The following PIP5K1B variants were observed in gnomAD, a reference collection of about 807,000 sequenced individuals.
PIP5K1B encodes phosphatidylinositol-4-phosphate 5-kinase type 1 beta.
PIP5K1B carries 42 observed loss-of-function variants against 67.0 expected under a neutral mutation model. That is an observed-to-expected ratio of 0.63 (90% CI 0.49 to 0.81). PIP5K1B has a LOEUF of 0.81. Ranked by LOEUF, PIP5K1B falls within the 30% of genes least tolerant of loss-of-function variation. The pLI is 0.00. For missense variants in PIP5K1B, 459 were observed against 646.3 expected (o/e 0.71, Z 3.14); for synonymous variants, 214 against 231.4 (o/e 0.92, Z 0.68).
chr9:68,941,455 A>G (rs998773061), intron 14 of PIP5K1B, among the ~76,000 whole-genome samples: 16 of 152,214 alleles, frequency 1.1e-4, no homozygotes, highest in African/African-American at 3.6e-4. Flanking sequence ...ATTATTATTC[A>G]TTGCATGCCT....
At chr9:68,782,492 A>T (rs927444607) in intron 2 of PIP5K1B, 3 of 167,090 alleles carry the variant, frequency 1.8e-5, no homozygotes, top group Non-Finnish European at 4.4e-5. Context: ...ATGGCATACA[A>T]AGAGGAAAGG....
Position 68,835,964 on chromosome 9 carries a change from C to T in PIP5K1B, c.69+13281C>T, listed in dbSNP as rs1482792510. Among the ~76,000 whole-genome samples the T allele has an allele frequency of 2.0e-5, 3 of 151,600 alleles. No individual in the cohort carries two copies. The East Asian group carries it at 5.8e-4, about 29-fold the overall frequency. On this transcript the variant is annotated intron_variant, in intron 4 of 15. Transcript: ENST00000265382. ...TATTGGGCTTCAAGAACCCTTTTTC[C>T]TCATCTGTCTCTGACTACACATTCA...
At chr9:68,862,156 T>C (rs1306185074) in intron 4 of PIP5K1B, among the ~76,000 whole-genome samples, 1 of 152,178 alleles carries the variant, frequency 6.6e-6, no homozygotes, top group Non-Finnish European at 1.5e-5. Flanking sequence ...ACTAGAGACC[T>C]AGCCCTGCTC....
At chr9:68,753,168 A>G (rs983821098) in intron 2 of PIP5K1B, among the ~76,000 whole-genome samples, 8 of 139,262 alleles carry the variant, frequency 5.7e-5, no homozygotes, top group Non-Finnish European at 1.1e-4. Context: ...CGTAATGAAT[A>G]CTGAATTCTA....
intron 14 of PIP5K1B, among the ~76,000 whole-genome samples, chr9:68,949,204 G>A (rs1827941789): frequency 6.6e-6 from 1 of 152,142 alleles, no homozygotes; most frequent in African/African-American, 2.4e-5. Flanking sequence ...GTCTCTGGAA[G>A]AATGGTTTGC....
At chr9:68,857,736 A>G (rs1037061301) in intron 4 of PIP5K1B, among the ~76,000 whole-genome samples, 2 of 152,136 alleles carry the variant, frequency 1.3e-5, no homozygotes, top group African/African-American at 4.8e-5. Flanking sequence ...GCATGGTAGC[A>G]TACACCTGAA....
At chr9:68,832,650 C>T (rs1262051291) in intron 4 of PIP5K1B, among the ~76,000 whole-genome samples, 1 of 152,186 alleles carries the variant, frequency 6.6e-6, no homozygotes, top group Non-Finnish European at 1.5e-5. Context: ...ATTCTCAGTC[C>T]TCTATCTGTT....
chr9:68,906,239 G>C (rs1825604820), intron 8 of PIP5K1B, among the ~76,000 whole-genome samples: 1 of 152,030 alleles, frequency 6.6e-6, no homozygotes, highest in African/African-American at 2.4e-5. Context: ...ATTTGGTCTG[G>C]AACTCCTGGG....
At chr9:68,921,104 G>A (rs1210652178) in intron 11 of PIP5K1B, among the ~76,000 whole-genome samples, 1 of 152,004 alleles carries the variant, frequency 6.6e-6, no homozygotes, top group Non-Finnish European at 1.5e-5. Flanking sequence ...TTTGTCCACC[G>A]CTAAGGACTG....
At chr9:68,988,987 C>T (rs1171712660) in intron 14 of PIP5K1B, among the ~76,000 whole-genome samples, 2 of 147,358 alleles carry the variant, frequency 1.4e-5, no homozygotes, top group African/African-American at 2.5e-5. Context: ...CCCAGCTGCT[C>T]GAGAGGCTGA....
chr9:68,985,254 CTTT>C (rs749017407), intron 14 of PIP5K1B, among the ~76,000 whole-genome samples: 4 of 140,264 alleles, frequency 2.9e-5, no homozygotes, highest in Non-Finnish European at 1.5e-5. Context: ...ATCTCTTCTT[CTTT>C]TTTTTTTTTT....
At chr9:68,732,891 C>T (rs528559566) in intron 1 of PIP5K1B, among the ~76,000 whole-genome samples, 17 of 131,878 alleles carry the variant, frequency 1.3e-4, no homozygotes, top group East Asian at 1.2e-3. Context: ...GCTCATAATC[C>T]GTTGCTGGTG....
At chr9:68,881,929 G>A (rs1479050042) in intron 6 of PIP5K1B, among the ~76,000 whole-genome samples, 4 of 152,180 alleles carry the variant, frequency 2.6e-5, no homozygotes, top group African/African-American at 9.7e-5. Context: ...AAGAAAGAGA[G>A]CAGAGTGAAT....
At chr9:68,874,479 G>T (rs767834636) in intron 5 of PIP5K1B, among the ~76,000 whole-genome samples, 3 of 152,076 alleles carry the variant, frequency 2.0e-5, no homozygotes, top group African/African-American at 7.3e-5. Context: ...TAACACTATC[G>T]TTTTATACCA....
At chr9:68,746,638 G>A (rs1829325638) in intron 2 of PIP5K1B, among the ~76,000 whole-genome samples, 1 of 152,120 alleles carries the variant, frequency 6.6e-6, no homozygotes, top group Admixed American at 6.5e-5. Context: ...TGGCAGGCAT[G>A]GCCCAGAGCT....
chr9:68,864,726 A>T (rs1436818649), intron 5 of PIP5K1B, among the ~76,000 whole-genome samples: 1 of 152,062 alleles, frequency 6.6e-6, no homozygotes, highest in Non-Finnish European at 1.5e-5. Context: ...AGTAATCATT[A>T]AATAAGTATC....
intron 4 of PIP5K1B, among the ~76,000 whole-genome samples, chr9:68,861,594 G>A (rs185457609): frequency 4.7e-4 from 71 of 152,260 alleles, no homozygotes; most frequent in South Asian, 8.3e-4. Flanking sequence ...TCAGGGGTGC[G>A]GTGCGGGGGC....
intron 4 of PIP5K1B, among the ~76,000 whole-genome samples, chr9:68,855,246 C>T (rs1822707954): frequency 6.6e-6 from 1 of 152,194 alleles, no homozygotes; most frequent in Non-Finnish European, 1.5e-5. Flanking sequence ...CTGTGTTAGT[C>T]ACTCCTACGT....
chr9:68,917,254 A>AT (rs1201148054), intron 8 of PIP5K1B, among the ~76,000 whole-genome samples: 2 of 152,242 alleles, frequency 1.3e-5, no homozygotes, highest in African/African-American at 4.8e-5. Flanking sequence ...GCACTGGCAC[A>AT]TGGAAAGTAC....
Sources: gnomAD v4.1 joint callset for allele counts (sites outside exome capture counted in the v4.1 genomes callset) on GRCh38, gnomAD v4.1.1 for gene constraint, MANE v1.5 for transcripts, NCBI Gene and HGNC (gene_info 2026-07-23, HGNC 2026-07-21) for gene names.